PRDM10: variants seen among roughly 807,000 people sequenced by gnomAD.
PRDM10 encodes PR/SET domain 10.
Under a neutral mutation model 133.1 loss-of-function variants are expected in PRDM10, and 65 were observed. That is an observed-to-expected ratio of 0.49 (90% CI 0.40 to 0.60). The LOEUF (loss-of-function observed/expected upper bound fraction) is 0.60, where lower values mean the gene tolerates loss of function less well. PRDM10 is among the 20% of genes least tolerant of loss of function. The pLI is 0.00. For missense variants in PRDM10, 1,137 were observed against 1,507.1 expected (o/e 0.75, Z 4.07); for synonymous variants, 582 against 580.4 (o/e 1.00, Z -0.04).
At chr11:129,922,566 C>A (rs186875720) in intron 13 of PRDM10, among the ~76,000 whole-genome samples, 1 of 152,298 alleles carries the variant, frequency 6.6e-6, no homozygotes, top group East Asian at 1.9e-4. Flanking sequence ...ATTTCTGATT[C>A]TTTTCCAGTT....
At chr11:130,002,401 AG>A (rs1233996485) in intron 1 of PRDM10, among the ~76,000 whole-genome samples, 2 of 152,044 alleles carry the variant, frequency 1.3e-5, no homozygotes, top group Non-Finnish European at 2.9e-5. Flanking sequence ...CGGCGCCAGG[AG>A]GGCCTGCTGG....
intron 1 of PRDM10, among the ~76,000 whole-genome samples, chr11:129,987,555 T>C (rs1440507098): frequency 6.6e-6 from 1 of 151,954 alleles, no homozygotes; most frequent in Non-Finnish European, 1.5e-5. Flanking sequence ...CCAAGAGAAA[T>C]AAAAGCATAT....
rs748100827 is a variant in PRDM10 at position 129,960,991 on chromosome 11, C to G, written c.-27G>C. On this transcript the variant is annotated 5_prime_UTR_variant, in exon 2 of 21. Coordinates refer to ENST00000360871, the MANE Select transcript of PRDM10 (RefSeq NM_199437.2). ...TTCTCCCAACTGGACAGCTCCACGTCTGGCACACCTAGAGCAGCACAGGGT... is the reference window on the plus strand; with the variant it reads ...TTCTCCCAACTGGACAGCTCCACGTGTGGCACACCTAGAGCAGCACAGGGT... The G allele has an allele frequency of 9.3e-6, 15 of 1,611,846 alleles. No individual in the cohort carries two copies. In the South Asian group the frequency reaches 1.4e-4, roughly 15 times the overall value.
At chr11:129,907,010 A>T (rs1003917512) in intron 19 of PRDM10, among the ~76,000 whole-genome samples, 1 of 151,720 alleles carries the variant, frequency 6.6e-6, no homozygotes, top group Non-Finnish European at 1.5e-5. Flanking sequence ...AAAGAATATC[A>T]CGACTTTGCA....
chr11:129,915,876 C>G lies in PRDM10; in HGVS notation c.2326-16G>C. The G allele has an allele frequency of 6.2e-7, 1 of 1,609,668 alleles. No individual in the cohort carries two copies. The highest frequency in any genetic ancestry group is 8.5e-7 in the Non-Finnish European group (1 of 1,177,848). On this transcript the variant is annotated splice_polypyrimidine_tract_variant and intron_variant, in intron 15 of 20. Transcript: ENST00000360871. ...TTTTATAAACCTGCAAATGTAAGCG[C>G]CTTGCCATGAAAGCAGTATACAGTT...
At position 129,900,012 on chromosome 11, in the gene PRDM10, T is replaced by A. The variant is rs1297123153; in HGVS notation, c.*2301A>T. On this transcript the variant is annotated 3_prime_UTR_variant, in exon 21 of 21. Coordinates refer to ENST00000360871, the MANE Select transcript of PRDM10 (RefSeq NM_199437.2). ...GAATTTTACATGATGAAATGTCTATTTCTGTCGGTACAAATCAATGATAAA... is the reference window on the plus strand; with the variant it reads ...GAATTTTACATGATGAAATGTCTATATCTGTCGGTACAAATCAATGATAAA... The A allele has an allele frequency of 6.6e-6, 1 of 152,650 alleles. No individual in the cohort carries two copies. Among genetic ancestry groups the A allele is most frequent in the African/African-American group, 2.4e-5 (1 of 41,460 alleles). The allele number at this position is 152,650 out of a possible 1,614,324, so 9.5% of individuals were successfully genotyped here.
chr11:129,953,235 C>T (rs1951623668), intron 4 of PRDM10, among the ~76,000 whole-genome samples: 1 of 152,068 alleles, frequency 6.6e-6, no homozygotes, highest in African/African-American at 2.4e-5. Flanking sequence ...ACCTTGGCTT[C>T]CCAAAGTGCT....
chr11:129,910,510 G>A lies in PRDM10; in HGVS notation c.3129C>T (p.Tyr1043=). The A allele has an allele frequency of 6.2e-7, 1 of 1,614,144 alleles. No individual in the cohort carries two copies. The highest frequency in any genetic ancestry group is 1.1e-5 in the South Asian group (1 of 91,080). Reference sequence around the variant, plus strand: ...GGAAGGAATTCCAAGCACTGGGCAGGTACGTGTGCTGCACAGAGGAATTCT... The same window carrying A: ...GGAAGGAATTCCAAGCACTGGGCAGATACGTGTGCTGCACAGAGGAATTCT... ...QQQNSSVQHT[Y]LPSAWNSFRG... is the part of the protein sequence containing the mutation. Residue 1043 remains tyrosine, a synonymous_variant, in exon 19 of 21, where the codon TAC becomes TAT. Coordinates refer to ENST00000360871, the MANE Select transcript of PRDM10 (RefSeq NM_199437.2).
intron 1 of PRDM10, among the ~76,000 whole-genome samples, chr11:129,977,212 G>A (rs559319087): frequency 3.2e-4 from 49 of 151,272 alleles, no homozygotes; most frequent in African/African-American, 1.1e-3. Flanking sequence ...CAGCTAAAGA[G>A]CTACTAAAGC....
chr11:129,925,087 C>G lies in PRDM10; in HGVS notation c.1673G>C (p.Cys558Ser). The change falls in exon 12 of 21, where the codon TGT becomes TCT. Residue 558 changes from cysteine (C) to serine (S), a missense_variant. By Grantham distance (112) the Cys-to-Ser change is moderately radical (BLOSUM62 -1). Coordinates refer to ENST00000360871, the MANE Select transcript of PRDM10 (RefSeq NM_199437.2). Reference protein sequence around the residue: ...HGREGNCPLTCDLCNKGFISS... With the variant: ...HGREGNCPLTSDLCNKGFISS... Reference sequence around the variant, plus strand: ...GATGAAGCCCTTGTTACAGAGATCACAGGTCAGTGGGCAGTTCCCCTCCCG... The same window carrying G: ...GATGAAGCCCTTGTTACAGAGATCAGAGGTCAGTGGGCAGTTCCCCTCCCG... The G allele has an allele frequency of 6.2e-7, 1 of 1,614,222 alleles. No individual in the cohort carries two copies. The highest frequency in any genetic ancestry group is 1.1e-5 in the South Asian group (1 of 91,092).
intron 4 of PRDM10, among the ~76,000 whole-genome samples, chr11:129,952,315 C>T (rs1225453988): frequency 1.3e-5 from 2 of 152,158 alleles, no homozygotes; most frequent in Non-Finnish European, 2.9e-5. Context: ...AATGCAAATA[C>T]TCAGTGTGGC....
rs550971586 is a variant in PRDM10, at chr11:129,957,825, G to A, written c.155C>T (p.Thr52Met). Residue 52 changes from threonine to methionine, a missense_variant, in exon 3 of 21, where the codon ACG (threonine) becomes ATG (methionine). Transcript: ENST00000360871. ...TGATGTGTAGGAGGCACCATCTGCC[G>A]TGTACACCACCTGCTGTGGGGGGCG... Reference protein sequence around the residue: ...QVRPPQQVVYTADGASYTSVD... With the variant: ...QVRPPQQVVYMADGASYTSVD... 5.3e-5 allele frequency: 85 copies of A among 1,614,194 alleles called. No individual in the cohort carries two copies. The African/African-American group carries it at 5.7e-4, about 11-fold the overall frequency.
At chr11:129,919,230 G>A (rs1342468780) in intron 13 of PRDM10, among the ~76,000 whole-genome samples, 1 of 152,084 alleles carries the variant, frequency 6.6e-6, no homozygotes, top group African/African-American at 2.4e-5. Flanking sequence ...AATTAGCTGG[G>A]TGTGGTGGCA....
At chr11:129,995,475 ATTAG>A (rs956549435) in intron 1 of PRDM10, among the ~76,000 whole-genome samples, 15 of 152,236 alleles carry the variant, frequency 9.9e-5, no homozygotes, top group East Asian at 3.8e-4. Context: ...AAGAGCAATA[ATTAG>A]TTAAAGGAAT....
intron 11 of PRDM10, among the ~76,000 whole-genome samples, chr11:129,927,446 A>C (rs1171639347): frequency 6.6e-6 from 1 of 152,140 alleles, no homozygotes; most frequent in Non-Finnish European, 1.5e-5. Context: ...CCTTTATCCA[A>C]GTTCATTGAA....
chr11:129,925,265 G>A, intron 11 of PRDM10, 36 bp from the exon 12 acceptor site: 1 of 1,536,760 alleles, frequency 6.5e-7, no homozygotes, highest in Non-Finnish European at 8.8e-7. Flanking sequence ...ATTTAGTGAT[G>A]AAATTAAGAG....
intron 13 of PRDM10, among the ~76,000 whole-genome samples, chr11:129,921,359 G>A (rs1301372934): frequency 6.6e-6 from 1 of 152,196 alleles, no homozygotes; most frequent in Non-Finnish European, 1.5e-5. Context: ...TTCAAGTCAG[G>A]AGGAGGAGTG....
chr11:129,970,577 G>A (rs538976217), intron 1 of PRDM10, among the ~76,000 whole-genome samples: 1 of 144,828 alleles, frequency 6.9e-6, no homozygotes, highest in South Asian at 2.2e-4. Context: ...ATGGAGTTTC[G>A]CTTGTTGCCC....
At chr11:129,963,888 G>T (rs57377781) in intron 1 of PRDM10, among the ~76,000 whole-genome samples, 2,464 of 152,156 alleles carry the variant, frequency 0.016, 64 homozygotes, top group African/African-American at 0.051. Flanking sequence ...GATGCAATCC[G>T]GTACTGCACA....
Sources: allele counts gnomAD v4.1 joint callset (sites outside exome capture counted in the v4.1 genomes callset), GRCh38; gene constraint gnomAD v4.1.1; transcripts MANE v1.5; gene names NCBI Gene and HGNC (gene_info 2026-07-23, HGNC 2026-07-21).